SCLY: variants seen among roughly 807,000 people sequenced by gnomAD.
SCLY encodes putative selenocysteine lyase.
Under a neutral mutation model 50.1 loss-of-function variants are expected in SCLY, and 38 were observed. That is an observed-to-expected ratio of 0.76 (90% CI 0.59 to 0.99). The LOEUF (loss-of-function observed/expected upper bound fraction) is 0.99, where lower values mean the gene tolerates loss of function less well. Among genes scored for constraint, SCLY ranks in the 50% least tolerant of loss-of-function variants. The pLI is 0.00. For synonymous variants in SCLY, 243 were observed against 249.4 expected (o/e 0.97, Z 0.24); for missense variants, 600 against 620.0 (o/e 0.97, Z 0.34).
Position 238,069,412 on chromosome 2 carries a change from C to T in SCLY, c.419C>T (p.Thr140Ile), listed in dbSNP as rs1427440747. 6.2e-7 allele frequency: 1 copy of T among 1,613,920 alleles called. No homozygotes were observed. The highest frequency in any genetic ancestry group is 8.5e-7 in the Non-Finnish European group (1 of 1,179,978). Residue 140 changes from threonine to isoleucine, a missense_variant, in exon 4 of 12, where the codon ACT (threonine) becomes ATT (isoleucine). Thr to Ile is a moderately conservative substitution (Grantham distance 89). Coordinates refer to ENST00000254663, the MANE Select transcript of SCLY (RefSeq NM_016510.7). The surrounding 1 kb of genome is among the most constrained non-coding windows in gnomAD (Gnocchi z 5.0). The part of the protein sequence containing the change: ...PVKGAKPHFI[T>I]SSVEHDSIRL... ...AAGGGGGCCAAGCCCCATTTCATTA[C>T]TTCCTCGGTGGAACACGACTCCATC... is the stretch of plus-strand genomic sequence containing the variant.
intron 7 of SCLY, 93 bp from the exon 8 acceptor site, chr2:238,091,125 G>C: frequency 8.4e-7 from 1 of 1,193,698 alleles, no homozygotes; most frequent in Non-Finnish European, 1.3e-6. Context: ...TGTAGCGTGA[G>C]TTTGATTTTA....
intron 10 of SCLY, chr2:238,096,097 G>T (rs113108486): frequency 0.025 from 3,907 of 153,716 alleles, 166 homozygotes; most frequent in African/African-American, 0.09. Context: ...AAGTAGACAC[G>T]GGGTGTTGCC....
Position 238,098,490 on chromosome 2 carries a change from G to A in SCLY, c.*135G>A. The A allele has an allele frequency of 9.8e-7, 1 of 1,019,704 alleles. No homozygotes were observed. The highest frequency in any genetic ancestry group is 1.7e-5 in the African/African-American group (1 of 60,490). 63.2% of individuals were successfully genotyped at this position (1,019,704 alleles called of 1,614,324 possible). On this transcript the variant is annotated 3_prime_UTR_variant, in exon 12 of 12. Coordinates refer to ENST00000254663, the MANE Select transcript of SCLY (RefSeq NM_016510.7). ...CTCTGCATTTTGTCCTGGAGTGCCA[G>A]CGAGTGTGCACCCCCAGTTTCCTTC...
chr2:238,070,057 G>C (rs917732504), intron 4 of SCLY, among the ~76,000 whole-genome samples: 1 of 152,208 alleles, frequency 6.6e-6, no homozygotes, highest in African/African-American at 2.4e-5. Flanking sequence ...GCCCAAGTGC[G>C]GCAGGAGGCG....
chr2:238,064,880 T>C (rs2065054081), intron 2 of SCLY: 1 of 152,468 alleles, frequency 6.6e-6, no homozygotes, highest in Admixed American at 6.5e-5. Context: ...AAAATTACTT[T>C]TTCATTAATT....
At chr2:238,081,604 C>A in intron 4 of SCLY, 105 bp from the exon 5 acceptor site, 1 of 1,471,298 alleles carries the variant, frequency 6.8e-7, no homozygotes, top group Non-Finnish European at 9.2e-7. Flanking sequence ...ACTTGGACAA[C>A]AATTTACTTT....
rs1444886094 is a variant in SCLY, at chr2:238,090,510, C to T, written c.885-708C>T. On this transcript the variant is annotated intron_variant, in intron 7 of 11. Coordinates refer to ENST00000254663, the MANE Select transcript of SCLY (RefSeq NM_016510.7). ...CAAAAATTAGCTGGGCATGGCGGCA[C>T]ATGCCTGTAATCCCAGATACTCAGG... 5.9e-5 allele frequency among the ~76,000 whole-genome samples: 9 copies of T among 152,278 alleles called. No individual in the cohort carries two copies. In the East Asian group the frequency reaches 1.4e-3, roughly 23 times the overall value.
At chr2:238,094,551 A>C (rs1398875124) in intron 10 of SCLY, 29 bp downstream of exon 10, 1 of 1,566,868 alleles carries the variant, frequency 6.4e-7, no homozygotes, top group Non-Finnish European at 8.8e-7. Context: ...GGTCTTTCCG[A>C]GTGTGAGCAC....
intron 1 of SCLY, among the ~76,000 whole-genome samples, chr2:238,063,514 C>T (rs1445027944): frequency 2.6e-5 from 4 of 152,200 alleles, no homozygotes; most frequent in African/African-American, 9.6e-5. Flanking sequence ...TGAGCCACCG[C>T]GCCCAGCCAG....
intron 3 of SCLY, 138 bp downstream of exon 3, chr2:238,068,303 CT>C: frequency 3.2e-6 from 2 of 631,780 alleles, no homozygotes; most frequent in Non-Finnish European, 5.2e-6. Context: ...AATCCCAGTA[CT>C]TTGGGAGGCC....
Position 238,069,400 on chromosome 2 carries a change from C to A in SCLY, c.407C>A (p.Pro136His). ...GHHSPVKGAKPHFITSSVEHD... is the reference protein window; with the variant it reads ...GHHSPVKGAKHHFITSSVEHD... ...CACAGCCCAGTGAAGGGGGCCAAGCCCCATTTCATTACTTCCTCGGTGGAA... is the reference window on the plus strand; with the variant it reads ...CACAGCCCAGTGAAGGGGGCCAAGCACCATTTCATTACTTCCTCGGTGGAA... The change falls in exon 4 of 12, where the codon CCC (proline) becomes CAC (histidine). Residue 136 changes from proline to histidine, a missense_variant. Transcript: ENST00000254663. The surrounding 1 kb of genome is among the most constrained non-coding windows in gnomAD (Gnocchi z 5.0). The A allele has an allele frequency of 6.2e-7, 1 of 1,614,074 alleles. No homozygotes were observed. The highest frequency in any genetic ancestry group is 8.5e-7 in the Non-Finnish European group (1 of 1,179,986).
At position 238,082,228 on chromosome 2, in the gene SCLY, C is replaced by T; in HGVS notation, c.777+19C>T. On this transcript the variant is annotated intron_variant, in intron 6 of 11. Coordinates refer to ENST00000254663, the MANE Select transcript of SCLY (RefSeq NM_016510.7). ...GCACAAGGTAAGTCTGCAGAGGCTT[C>T]CTGCCTCTGTGGGCAGAGCCTACTG... The T allele has an allele frequency of 3.2e-6, 5 of 1,574,420 alleles. No homozygotes were observed. The highest frequency in any genetic ancestry group is 4.3e-6 in the Non-Finnish European group (5 of 1,156,408).
At chr2:238,094,103 A>G in intron 9 of SCLY, 159 bp downstream of exon 9, 1 of 687,648 alleles carries the variant, frequency 1.5e-6, no homozygotes, top group Admixed American at 2.6e-5. Context: ...ACAGTGGCAG[A>G]AAGTACATTG....
chr2:238,081,390 A>G (rs566834855), intron 4 of SCLY: 80 of 300,366 alleles, frequency 2.7e-4, no homozygotes, highest in African/African-American at 1.7e-3. Context: ...AGTGCTGTGC[A>G]CTAGGACCCT....
At chr2:238,061,269 C>G (rs1205707085) in intron 1 of SCLY, 126 bp downstream of exon 1, 1 of 783,298 alleles carries the variant, frequency 1.3e-6, no homozygotes, top group Non-Finnish European at 2.2e-6. Flanking sequence ...CGGGGATGTC[C>G]GCGAGGTCGG....
intron 10 of SCLY, 116 bp downstream of exon 10, chr2:238,094,638 C>A: frequency 1.1e-6 from 1 of 894,334 alleles, no homozygotes; most frequent in Non-Finnish European, 1.8e-6. Flanking sequence ...ACAGCTCGGG[C>A]TGTCAGAGGG....
intron 8 of SCLY, 167 bp from the exon 9 acceptor site, chr2:238,093,694 G>A: frequency 1.5e-6 from 1 of 661,806 alleles, no homozygotes; most frequent in Non-Finnish European, 2.7e-6. Flanking sequence ...TCAGTTTCTG[G>A]GGCACTTCCA....
rs1158159480 is a variant in SCLY, at chr2:238,098,729, C to G, written c.*374C>G. On this transcript the variant is annotated 3_prime_UTR_variant, in exon 12 of 12. Coordinates refer to ENST00000254663, the MANE Select transcript of SCLY (RefSeq NM_016510.7). Reference sequence around the variant, plus strand: ...CACCCTCCCCACTGGGAACTGGGCACGCCTGTTGTGAGTGCCCTTTCCTGG... The same window carrying G: ...CACCCTCCCCACTGGGAACTGGGCAGGCCTGTTGTGAGTGCCCTTTCCTGG... The G allele has an allele frequency of 1.3e-5, 4 of 311,744 alleles. No homozygotes were observed. In the East Asian group the frequency reaches 1.3e-4, roughly 10 times the overall value. 19.3% of individuals were successfully genotyped at this position (311,744 alleles called of 1,614,324 possible). A position where few individuals can be genotyped will look rare whatever the true frequency, so the allele number is the denominator to read the frequency against.
At chr2:238,081,987 G>T (rs2065242672) in intron 5 of SCLY, 58 bp from the exon 6 acceptor site, 2 of 1,587,132 alleles carry the variant, frequency 1.3e-6, no homozygotes, top group African/African-American at 2.7e-5. Flanking sequence ...CCTGATTTCT[G>T]TCATTCAGTT....
Sources: allele counts gnomAD v4.1 joint callset (sites outside exome capture counted in the v4.1 genomes callset), GRCh38; gene constraint gnomAD v4.1.1; non-coding constraint Gnocchi (gnomAD v3.1); transcripts MANE v1.5; gene names NCBI Gene and HGNC (gene_info 2026-07-23, HGNC 2026-07-21).